The following KIF6 variants were observed in gnomAD, a reference collection of about 807,000 sequenced individuals.
KIF6 encodes kinesin-like protein KIF6.
Under a neutral mutation model 112.7 loss-of-function variants are expected in KIF6, and 106 were observed. The observed-to-expected ratio is 0.94, with a 90% CI of 0.80 to 1.11. KIF6 has a LOEUF of 1.11. Ranked by LOEUF, KIF6 falls within the 50% of genes least tolerant of loss-of-function variation. KIF6 has a pLI of 0.00. For synonymous variants in KIF6, 339 were observed against 339.9 expected (o/e 1.00, Z 0.03); for missense variants, 929 against 964.0 (o/e 0.96, Z 0.48).
chr6:39,631,830 A>C (rs1365427193), intron 5 of KIF6, among the ~76,000 whole-genome samples: 1 of 152,012 alleles, frequency 6.6e-6, no homozygotes, highest in African/African-American at 2.4e-5. Flanking sequence ...GAGATTATGT[A>C]AAATTGGTGT....
intron 3 of KIF6, among the ~76,000 whole-genome samples, chr6:39,694,456 G>T (rs1330396110): frequency 6.6e-6 from 1 of 152,126 alleles, no homozygotes; most frequent in Non-Finnish European, 1.5e-5. Flanking sequence ...CCTGATAAAT[G>T]ACTTCAGCAA....
At chr6:39,449,063 C>T (rs959528497) in intron 13 of KIF6, among the ~76,000 whole-genome samples, 7 of 152,234 alleles carry the variant, frequency 4.6e-5, no homozygotes, top group African/African-American at 1.7e-4. Flanking sequence ...TAATGCCTTA[C>T]ACCTCTCTGC....
chr6:39,486,427 C>T lies in KIF6; in HGVS notation c.1645+53576G>A, dbSNP rs558922118. Among the ~76,000 whole-genome samples the T allele has an allele frequency of 3.1e-4, 47 of 152,282 alleles. No homozygotes were observed. In the South Asian group the frequency reaches 9.8e-3, roughly 32 times the overall value. The stretch of plus-strand genomic sequence containing the variant: ...CCCTCAGCAATGCCTAGTTGACTAC[C>T]ACTGGGTAACTCCATTGGATGTCAC... On this transcript the variant is annotated intron_variant, in intron 13 of 22. Coordinates refer to ENST00000287152, the MANE Select transcript of KIF6 (RefSeq NM_145027.6).
chr6:39,345,591 T>C, intron 21 of KIF6, 109 bp downstream of exon 21: 1 of 829,112 alleles, frequency 1.2e-6, no homozygotes, highest in Non-Finnish European at 1.9e-6. Context: ...CTGGGTTCTG[T>C]CTGTGTGGCT....
intron 16 of KIF6, among the ~76,000 whole-genome samples, chr6:39,382,074 C>T (rs114770765): frequency 3.7e-4 from 56 of 152,366 alleles, no homozygotes; most frequent in African/African-American, 1.3e-3. Context: ...CTCTTGCCCA[C>T]AAAGTCATGG....
intron 3 of KIF6, among the ~76,000 whole-genome samples, chr6:39,643,042 T>C (rs1369675882): frequency 6.6e-6 from 1 of 152,192 alleles, no homozygotes; most frequent in African/African-American, 2.4e-5. Context: ...ATAAATTTGC[T>C]CAGTTTTTGT....
At chr6:39,607,717 C>T (rs142603625) in intron 6 of KIF6, among the ~76,000 whole-genome samples, 6 of 152,238 alleles carry the variant, frequency 3.9e-5, no homozygotes, top group African/African-American at 1.4e-4. Context: ...AGAGCCACTG[C>T]GCCCTGCTAA....
intron 3 of KIF6, among the ~76,000 whole-genome samples, chr6:39,693,817 T>C (rs1788366430): frequency 6.6e-6 from 1 of 152,120 alleles, no homozygotes; most frequent in African/African-American, 2.4e-5. Context: ...TAACTCATTC[T>C]ACAAAACCAG....
intron 14 of KIF6, among the ~76,000 whole-genome samples, chr6:39,422,605 T>C (rs967733843): frequency 6.6e-6 from 1 of 152,094 alleles, no homozygotes; most frequent in Non-Finnish European, 1.5e-5. Context: ...CCTGAGTGTG[T>C]AGAGGGAAAG....
chr6:39,689,046 A>T (rs1788030381), intron 3 of KIF6, among the ~76,000 whole-genome samples: 2 of 152,180 alleles, frequency 1.3e-5, no homozygotes. Context: ...GAAGCCCAGG[A>T]GTTCGAGGCT....
intron 13 of KIF6, among the ~76,000 whole-genome samples, chr6:39,436,769 C>T (rs907764540): frequency 3.4e-4 from 52 of 152,230 alleles, no homozygotes; most frequent in African/African-American, 9.6e-4. Context: ...GTTATTATAG[C>T]TTTGTAGTGT....
Position 39,613,202 on chromosome 6 carries a change from C to A in KIF6, c.626G>T (p.Arg209Leu). ...LNLLFLGDTN[R>L]MIAETPMNQA... is the part of the protein sequence containing the mutation. ...GAAGTTTATTACCTCTGCAATCATT[C>A]GGTTGGTGTCTCCTAAAAAAAGCAA... The change falls in exon 6 of 23, where the codon CGA becomes CTA. Residue 209 changes from arginine to leucine, a missense_variant. Coordinates refer to ENST00000287152, the MANE Select transcript of KIF6 (RefSeq NM_145027.6). 3 of 1,592,656 alleles carry A rather than the reference C, an allele frequency of 1.9e-6. No individual in the cohort carries two copies. The highest frequency in any genetic ancestry group is 1.8e-5 in the Admixed American group (1 of 56,376).
intron 15 of KIF6, among the ~76,000 whole-genome samples, chr6:39,415,855 G>T (rs1769881542): frequency 6.6e-6 from 1 of 152,000 alleles, no homozygotes; most frequent in Non-Finnish European, 1.5e-5. Flanking sequence ...ATGGTGGGTT[G>T]GGGGGTTCTT....
At chr6:39,581,519 T>C (rs960321794) in intron 9 of KIF6, among the ~76,000 whole-genome samples, 3 of 152,252 alleles carry the variant, frequency 2.0e-5, no homozygotes, top group Admixed American at 6.5e-5. Context: ...TTATGTAAAT[T>C]TGAATTTCAA....
chr6:39,508,583 C>T (rs1400558895), intron 13 of KIF6, among the ~76,000 whole-genome samples: 2 of 152,126 alleles, frequency 1.3e-5, no homozygotes, highest in Non-Finnish European at 2.9e-5. Flanking sequence ...TCGGTGGGTC[C>T]CATGCCCACA....
At chr6:39,668,256 T>TA (rs1479748584) in intron 3 of KIF6, among the ~76,000 whole-genome samples, 1 of 152,190 alleles carries the variant, frequency 6.6e-6, no homozygotes, top group African/African-American at 2.4e-5. Context: ...ATGATCTAAA[T>TA]AAACCTATTT....
At chr6:39,651,639 A>G (rs993072391) in intron 3 of KIF6, among the ~76,000 whole-genome samples, 1 of 152,212 alleles carries the variant, frequency 6.6e-6, no homozygotes, top group Non-Finnish European at 1.5e-5. Context: ...TACTTGCCAA[A>G]TAAGACCTTA....
chr6:39,584,417 TAAAAAAAAAAA>T (rs61215070), intron 9 of KIF6, among the ~76,000 whole-genome samples: 22 of 46,050 alleles, frequency 4.8e-4, no homozygotes, highest in Non-Finnish European at 7.5e-4. Flanking sequence ...ACTCTGTCTC[TAAAAAAAAAAA>T]AAAAAAAAAA....
intron 3 of KIF6, among the ~76,000 whole-genome samples, chr6:39,709,998 T>C (rs188335731): frequency 8.5e-5 from 13 of 152,318 alleles, no homozygotes; most frequent in Non-Finnish European, 1.3e-4. Context: ...GTCATACAAT[T>C]TGCATAAAAT....
Sources: allele counts gnomAD v4.1 joint callset (sites outside exome capture counted in the v4.1 genomes callset), GRCh38; gene constraint gnomAD v4.1.1; transcripts MANE v1.5; gene names NCBI Gene and HGNC (gene_info 2026-07-23, HGNC 2026-07-21).